Variants in NKAIN2 observed in about 807,000 individuals in gnomAD.
NKAIN2 encodes sodium/potassium-transporting ATPase subunit beta-1-interacting protein 2.
A neutral mutation model predicts 32.6 loss-of-function variants in NKAIN2; 14 were observed. The ratio of observed to expected loss-of-function variants is 0.43; its 90% CI spans 0.28 to 0.67. The LOEUF (loss-of-function observed/expected upper bound fraction) is 0.67, where lower values mean the gene tolerates loss of function less well. NKAIN2 is among the 30% of genes least tolerant of loss of function. The pLI, the probability that NKAIN2 is intolerant of heterozygous loss-of-function variation, is 0.17. For missense variants in NKAIN2, 198 were observed against 258.3 expected (o/e 0.77, Z 1.60); for synonymous variants, 80 against 87.2 (o/e 0.92, Z 0.46).
intron 3 of NKAIN2, among the ~76,000 whole-genome samples, chr6:124,596,913 T>C (rs186261808): frequency 2.6e-5 from 4 of 152,200 alleles, no homozygotes; most frequent in East Asian, 1.9e-4. Flanking sequence ...GGAGAGCTGA[T>C]GGTATAAATT....
chr6:124,245,478 A>G (rs967694555), intron 1 of NKAIN2, among the ~76,000 whole-genome samples: 1 of 152,114 alleles, frequency 6.6e-6, no homozygotes, highest in Non-Finnish European at 1.5e-5. Context: ...TAGTTTAGCT[A>G]CTACAGGTTA....
At chr6:124,805,548 A>G (rs1780505123) in intron 5 of NKAIN2, among the ~76,000 whole-genome samples, 3 of 151,716 alleles carry the variant, frequency 2.0e-5, no homozygotes, top group Admixed American at 2.0e-4. Flanking sequence ...GGGAAAAAAC[A>G]GAGCAGAAAA....
chr6:124,308,635 C>T (rs545076988), intron 2 of NKAIN2, among the ~76,000 whole-genome samples: 27 of 151,772 alleles, frequency 1.8e-4, no homozygotes, highest in African/African-American at 6.3e-4. Context: ...TATTTAATCT[C>T]GGCACTTTCT....
At chr6:124,688,064 G>C (rs539658988) in intron 4 of NKAIN2, among the ~76,000 whole-genome samples, 73 of 152,042 alleles carry the variant, frequency 4.8e-4, no homozygotes, top group African/African-American at 1.7e-3. Context: ...CTGAGGATGA[G>C]TGTCATTTGG....
chr6:124,528,809 A>T (rs1205676607), intron 3 of NKAIN2, among the ~76,000 whole-genome samples: 2 of 152,232 alleles, frequency 1.3e-5, no homozygotes, highest in Middle Eastern at 3.2e-3. Flanking sequence ...CCTAGCAATG[A>T]AAATCAACAA....
chr6:123,829,562 G>T (rs1308653465), intron 1 of NKAIN2, among the ~76,000 whole-genome samples: 2 of 152,116 alleles, frequency 1.3e-5, no homozygotes, highest in African/African-American at 4.8e-5. Flanking sequence ...GTGGACTTTT[G>T]CTTGTAGACT....
chr6:124,750,714 C>T (rs886705939), intron 4 of NKAIN2, among the ~76,000 whole-genome samples: 24 of 151,894 alleles, frequency 1.6e-4, no homozygotes, highest in African/African-American at 5.6e-4. Context: ...ATTTTTATTC[C>T]TATAGTTATG....
intron 1 of NKAIN2, among the ~76,000 whole-genome samples, chr6:123,916,821 CTATCTATT>C (rs1157523834): frequency 1.2e-4 from 4 of 33,636 alleles, no homozygotes; most frequent in African/African-American, 2.0e-4. Context: ...ATGTATCTAT[CTATCTATT>C]TATCTATCTA....
chr6:124,198,457 T>C (rs1459690232), intron 1 of NKAIN2, among the ~76,000 whole-genome samples: 1 of 151,594 alleles, frequency 6.6e-6, no homozygotes, highest in African/African-American at 2.4e-5. Flanking sequence ...CTCTGCCTTG[T>C]ATTTGTTGTA....
chr6:124,050,980 T>C (rs1782373603), intron 1 of NKAIN2, among the ~76,000 whole-genome samples: 1 of 152,112 alleles, frequency 6.6e-6, no homozygotes, highest in South Asian at 2.1e-4. Context: ...GATTCAAAAC[T>C]AGCTTGAATA....
chr6:123,935,533 GT>G (rs1401200847), intron 1 of NKAIN2, among the ~76,000 whole-genome samples: 1 of 151,630 alleles, frequency 6.6e-6, no homozygotes, highest in African/African-American at 2.4e-5. Flanking sequence ...ATTTTTGAAT[GT>G]GTTAAGTTTA....
intron 4 of NKAIN2, among the ~76,000 whole-genome samples, chr6:124,697,405 T>C (rs891054588): frequency 6.6e-6 from 1 of 152,214 alleles, no homozygotes; most frequent in African/African-American, 2.4e-5. Flanking sequence ...AACCATGTAA[T>C]ACCTAACTTA....
At chr6:124,130,199 C>T (rs1262307636) in intron 1 of NKAIN2, among the ~76,000 whole-genome samples, 1 of 152,112 alleles carries the variant, frequency 6.6e-6, no homozygotes, top group Non-Finnish European at 1.5e-5. Context: ...AATTTGGATC[C>T]CATTACCCAG....
At chr6:123,976,148 A>G (rs1778558503) in intron 1 of NKAIN2, among the ~76,000 whole-genome samples, 1 of 146,698 alleles carries the variant, frequency 6.8e-6, no homozygotes, top group South Asian at 2.2e-4. Context: ...AGTTCATTAA[A>G]CCTCTTTTTC....
intron 2 of NKAIN2, among the ~76,000 whole-genome samples, chr6:124,337,643 T>A (rs1436924979): frequency 6.6e-6 from 1 of 152,240 alleles, no homozygotes; most frequent in Non-Finnish European, 1.5e-5. Flanking sequence ...GAGCAATTAA[T>A]TGGATCAGCC....
chr6:124,552,861 A>C (rs1166790773), intron 3 of NKAIN2, among the ~76,000 whole-genome samples: 15 of 152,242 alleles, frequency 9.9e-5, no homozygotes, highest in Admixed American at 9.8e-4. Context: ...GTAATTCAAA[A>C]TAATTTAAAA....
chr6:124,727,396 C>A (rs942436890), intron 4 of NKAIN2, among the ~76,000 whole-genome samples: 1 of 151,626 alleles, frequency 6.6e-6, no homozygotes, highest in African/African-American at 2.4e-5. Flanking sequence ...GAGTGGGGGC[C>A]AATATTCAAC....
rs869195660 is a variant in NKAIN2, at chr6:124,779,318, G to GGGAAGGAAGGAA, written c.475-11967_475-11956dup. Among the ~76,000 whole-genome samples the GGGAAGGAAGGAA allele has an allele frequency of 2.1e-3, 110 of 53,004 alleles. 2 individuals carry two copies. The highest frequency in any genetic ancestry group is 4.7e-3 in the East Asian group (8 of 1,688). The allele number at this position is 53,004 out of a possible 152,430, so 34.8% of individuals were successfully genotyped here. A position where few individuals can be genotyped will look rare whatever the true frequency, so the allele number is the denominator to read the frequency against. On this transcript the variant is annotated intron_variant, in intron 4 of 6. Transcript: ENST00000368417. Reference sequence around the variant, plus strand: ...AAGGAGGGAGGGAGGGAGGGAGGGAGGGAAGGAAGGAAGGAAGGAAGGAAG... The same window carrying GGGAAGGAAGGAA: ...AAGGAGGGAGGGAGGGAGGGAGGGAGGGAAGGAAGGAAGGAAGGAAGGAAGGAAGGAAGGAAG...
At chr6:124,238,520 G>T (rs1331148212) in intron 1 of NKAIN2, among the ~76,000 whole-genome samples, 2 of 152,024 alleles carry the variant, frequency 1.3e-5, no homozygotes, top group Non-Finnish European at 2.9e-5. Context: ...AAAAGCAATA[G>T]AAGTTAAAAT....
Sources: gnomAD v4.1 joint callset for allele counts (sites outside exome capture counted in the v4.1 genomes callset) on GRCh38, gnomAD v4.1.1 for gene constraint, MANE v1.5 for transcripts, NCBI Gene and HGNC (gene_info 2026-07-23, HGNC 2026-07-21) for gene names.